Variants in SPIDR observed in about 807,000 individuals in gnomAD.
SPIDR encodes the protein scaffold protein involved in DNA repair, also known as DNA repair-scaffolding protein.
SPIDR carries 93 observed loss-of-function variants against 104.6 expected under a neutral mutation model. The ratio of observed to expected loss-of-function variants is 0.89; its 90% CI spans 0.75 to 1.06. SPIDR has a LOEUF of 1.06. Ranked by LOEUF, SPIDR falls within the 50% of genes least tolerant of loss-of-function variation. SPIDR has a pLI of 0.00. For synonymous variants in SPIDR, 431 were observed against 416.9 expected (o/e 1.03, Z -0.41); for missense variants, 1,154 against 1,111.2 (o/e 1.04, Z -0.55).
Position 47,583,321 on chromosome 8 carries a change from A to G in SPIDR, c.1098-12490A>G, listed in dbSNP as rs546663381. 1.5e-3 allele frequency among the ~76,000 whole-genome samples: 226 copies of G among 151,498 alleles called. 2 individuals are homozygous for G. The highest frequency in any genetic ancestry group is 2.7e-3 in the Non-Finnish European group (185 of 67,822). ...ACTCCATCTCAAAAAAAAAAAAAAA[A>G]AAGTATCAGTGGGAGTCCAACATCA... On this transcript the variant is annotated intron_variant, in intron 8 of 19. Coordinates refer to ENST00000297423, the MANE Select transcript of SPIDR (RefSeq NM_001080394.4).
At chr8:47,642,216 G>A (rs1255720321) in intron 10 of SPIDR, among the ~76,000 whole-genome samples, 1 of 152,126 alleles carries the variant, frequency 6.6e-6, no homozygotes, top group African/African-American at 2.4e-5. Flanking sequence ...GAAGTAAGGA[G>A]ATCAAGACCA....
chr8:47,653,139 A>C (rs2071997317), intron 10 of SPIDR, among the ~76,000 whole-genome samples: 1 of 152,174 alleles, frequency 6.6e-6, no homozygotes, highest in African/African-American at 2.4e-5. Flanking sequence ...CAGGGTTTAC[A>C]GGCTTTATTC....
At chr8:47,616,764 A>G (rs943798923) in intron 10 of SPIDR, among the ~76,000 whole-genome samples, 2 of 152,248 alleles carry the variant, frequency 1.3e-5, no homozygotes, top group African/African-American at 2.4e-5. Context: ...CTGTTGTTAC[A>G]TCTTACATTA....
chr8:47,505,655 G>T (rs746092625), intron 8 of SPIDR, among the ~76,000 whole-genome samples: 1 of 152,122 alleles, frequency 6.6e-6, no homozygotes, highest in East Asian at 1.9e-4. Flanking sequence ...ATACTCCCCA[G>T]TGCGATACCT....
At position 47,283,697 on chromosome 8, in the gene SPIDR, G is replaced by A. The variant is rs1399475415; in HGVS notation, c.190-331G>A. Among the ~76,000 whole-genome samples, 3 of 152,326 alleles carry A rather than the reference G, an allele frequency of 2.0e-5. No homozygotes were observed. In the East Asian group the frequency reaches 5.8e-4, roughly 29 times the overall value. On this transcript the variant is annotated intron_variant, in intron 2 of 19. Coordinates refer to ENST00000297423, the MANE Select transcript of SPIDR (RefSeq NM_001080394.4). ...ATTTTTGTGTTTGTGGTAACTTACA[G>A]AGTAATGCTATTACAAATTCAAGAT...
intron 8 of SPIDR, among the ~76,000 whole-genome samples, chr8:47,541,814 G>A (rs1039358505): frequency 8.5e-5 from 13 of 152,124 alleles, no homozygotes; most frequent in African/African-American, 3.1e-4. Flanking sequence ...TGGGAGAATT[G>A]CTTGAACTCG....
At chr8:47,301,474 T>C (rs2042080365) in intron 5 of SPIDR, among the ~76,000 whole-genome samples, 1 of 152,178 alleles carries the variant, frequency 6.6e-6, no homozygotes, top group Non-Finnish European at 1.5e-5. Flanking sequence ...TGTGTGAATT[T>C]GATCCTGTCA....
At chr8:47,301,256 C>T (rs1485039365) in intron 5 of SPIDR, among the ~76,000 whole-genome samples, 1 of 152,150 alleles carries the variant, frequency 6.6e-6, no homozygotes, top group African/African-American at 2.4e-5. Context: ...TTATCAGAGA[C>T]TAGGATTGAA....
intron 10 of SPIDR, among the ~76,000 whole-genome samples, chr8:47,624,543 G>T (rs1205302861): frequency 2.0e-5 from 3 of 152,112 alleles, no homozygotes; most frequent in African/African-American, 7.2e-5. Context: ...AATAAAAAAT[G>T]ATAAAGGGGA....
intron 8 of SPIDR, among the ~76,000 whole-genome samples, chr8:47,453,487 A>T (rs564672043): frequency 6.6e-6 from 1 of 152,162 alleles, no homozygotes; most frequent in African/African-American, 2.4e-5. Flanking sequence ...CTACAGTAAC[A>T]AAAACACCAT....
At position 47,598,917 on chromosome 8, in the gene SPIDR, A is replaced by T. The variant is rs775712638; in HGVS notation, c.1294-29A>T. The T allele has an allele frequency of 2.2e-5, 36 of 1,611,948 alleles. 1 individual carries two copies. In the Admixed American group the frequency reaches 6.0e-4, roughly 27 times the overall value. On this transcript the variant is annotated intron_variant, in intron 9 of 19. Transcript: ENST00000297423. ...CCGAACTGAAACTTTGTGAGTCTTG[A>T]AACTGTTCCCTTTATGTGTCTTGGC...
chr8:47,640,050 C>A (rs1360594671), intron 10 of SPIDR, among the ~76,000 whole-genome samples: 4 of 152,158 alleles, frequency 2.6e-5, no homozygotes, highest in African/African-American at 9.7e-5. Context: ...TCACGTGCAT[C>A]CCCAGAGCCA....
chr8:47,346,610 C>G (rs1587428207), intron 5 of SPIDR, among the ~76,000 whole-genome samples: 1 of 151,682 alleles, frequency 6.6e-6, no homozygotes, highest in Non-Finnish European at 1.5e-5. Flanking sequence ...ACTTTTTTTG[C>G]TTGGTAGGCT....
At position 47,504,694 on chromosome 8, in the gene SPIDR, G is replaced by T. The variant is rs918416956; in HGVS notation, c.1097+64152G>T. Among the ~76,000 whole-genome samples, 3 of 152,308 alleles carry T rather than the reference G, an allele frequency of 2.0e-5. No individual in the cohort carries two copies. The East Asian group carries it at 5.8e-4, about 29-fold the overall frequency. On this transcript the variant is annotated intron_variant, in intron 8 of 19. Transcript: ENST00000297423. Reference sequence around the variant, plus strand: ...TGCTGGTGAGGAGCTGTGTTCCTTTGGAGGAGGAGAGGCACTCTGATTTTT... The same window carrying T: ...TGCTGGTGAGGAGCTGTGTTCCTTTTGAGGAGGAGAGGCACTCTGATTTTT...
At chr8:47,437,335 T>C (rs141724044) in intron 7 of SPIDR, among the ~76,000 whole-genome samples, 1,318 of 116,926 alleles carry the variant, frequency 0.011, no homozygotes, top group South Asian at 0.013. Flanking sequence ...TGAGTGAGAA[T>C]ATGTGGTGTT....
At chr8:47,510,304 G>A (rs540382217) in intron 8 of SPIDR, among the ~76,000 whole-genome samples, 14 of 152,218 alleles carry the variant, frequency 9.2e-5, no homozygotes, top group Non-Finnish European at 1.9e-4. Context: ...GTTACAGTGC[G>A]GAGGCTGAAA....
At chr8:47,351,457 C>T (rs1192629264) in intron 5 of SPIDR, among the ~76,000 whole-genome samples, 1 of 152,086 alleles carries the variant, frequency 6.6e-6, no homozygotes, top group African/African-American at 2.4e-5. Flanking sequence ...TGGTAAAGAG[C>T]TGGGATGAAA....
intron 5 of SPIDR, chr8:47,357,786 TA>T: frequency 2.3e-6 from 2 of 886,350 alleles, no homozygotes; most frequent in South Asian, 1.0e-4. Context: ...GAAAAAAAAT[TA>T]GGGAAGGAAA....
intron 8 of SPIDR, among the ~76,000 whole-genome samples, chr8:47,498,569 T>C (rs2079827326): frequency 6.6e-6 from 1 of 152,182 alleles, no homozygotes; most frequent in South Asian, 2.1e-4. Flanking sequence ...ATTCTGACTA[T>C]AAAAATAGGA....
Sources: gnomAD v4.1 joint callset for allele counts (sites outside exome capture counted in the v4.1 genomes callset) on GRCh38, gnomAD v4.1.1 for gene constraint, MANE v1.5 for transcripts, NCBI Gene and HGNC (gene_info 2026-07-23, HGNC 2026-07-21) for gene names.